Variants in CTNNA3 observed in about 807,000 individuals in gnomAD.
CTNNA3 encodes catenin alpha-3.
A neutral mutation model predicts 95.7 loss-of-function variants in CTNNA3; 76 were observed. The observed-to-expected ratio is 0.79, with a 90% CI of 0.66 to 0.96. CTNNA3 has a LOEUF of 0.96. Ranked by LOEUF, CTNNA3 falls within the 40% of genes least tolerant of loss-of-function variation. The pLI is 0.00. For synonymous variants in CTNNA3, 431 were observed against 374.4 expected, an observed-to-expected ratio of 1.15 and a Z score of -1.74; for missense variants, 1,191 against 1,089.8, an observed-to-expected ratio of 1.09 and a Z score of -1.31.
At chr10:67,422,993 A>G (rs1845800953) in intron 5 of CTNNA3, among the ~76,000 whole-genome samples, 1 of 152,194 alleles carries the variant, frequency 6.6e-6, no homozygotes, top group African/African-American at 2.4e-5. Context: ...GATTTCCAAT[A>G]TACTCTTAGA....
At chr10:67,655,395 T>C (rs1367962013) in intron 1 of CTNNA3, among the ~76,000 whole-genome samples, 1 of 152,136 alleles carries the variant, frequency 6.6e-6, no homozygotes, top group Non-Finnish European at 1.5e-5. Flanking sequence ...CTAATACCTG[T>C]CTCCCAAAAT....
chr10:66,857,302 C>A (rs1843719780), intron 7 of CTNNA3, among the ~76,000 whole-genome samples: 1 of 151,802 alleles, frequency 6.6e-6, no homozygotes. Flanking sequence ...TAGGTTACTG[C>A]AGCCTTGTGG....
At chr10:66,807,116 T>C (rs1464449043) in intron 7 of CTNNA3, among the ~76,000 whole-genome samples, 1 of 152,060 alleles carries the variant, frequency 6.6e-6, no homozygotes, top group African/African-American at 2.4e-5. Context: ...TGTTTATCAA[T>C]GATGAGGCCA....
At chr10:66,425,303 A>T (rs1038240631) in intron 11 of CTNNA3, among the ~76,000 whole-genome samples, 2 of 151,956 alleles carry the variant, frequency 1.3e-5, no homozygotes, top group African/African-American at 4.8e-5. Flanking sequence ...TAGAAAACTA[A>T]TAAATTTACA....
chr10:66,360,596 C>CTTCTTTCTTT (rs1564895690), intron 12 of CTNNA3, among the ~76,000 whole-genome samples: 1,259 of 94,114 alleles, frequency 0.013, 137 homozygotes, highest in Non-Finnish European at 0.021. Context: ...GTATTCTTTC[C>CTTCTTTCTTT]TTCTTTCTTT....
intron 7 of CTNNA3, among the ~76,000 whole-genome samples, chr10:67,176,739 G>C (rs994855477): frequency 5.9e-5 from 9 of 152,206 alleles, no homozygotes; most frequent in Admixed American, 1.3e-4. Context: ...CTAAAAAGAA[G>C]AGAATCTTTC....
rs543067397 is a variant in CTNNA3, at chr10:66,431,359, G to A, written c.1532-52007C>T. 4.1e-4 allele frequency among the ~76,000 whole-genome samples: 63 copies of A among 152,032 alleles called. 1 individual carries two copies. The South Asian group carries it at 0.013, about 31-fold the overall frequency. ...GTGGCAATTCCTCAGGGATCCAGAA[G>A]TGGAAATATCATTTGGCCCAGCCAT... On this transcript the variant is annotated intron_variant, in intron 11 of 17. Coordinates refer to ENST00000433211, the MANE Select transcript of CTNNA3 (RefSeq NM_013266.4).
intron 5 of CTNNA3, among the ~76,000 whole-genome samples, chr10:67,240,616 G>A (rs1486453656): frequency 6.6e-6 from 1 of 152,068 alleles, no homozygotes; most frequent in Non-Finnish European, 1.5e-5. Context: ...TTCAATAAAA[G>A]AGAAAATAAA....
At chr10:67,054,565 T>C (rs537325358) in intron 7 of CTNNA3, 5 of 152,304 alleles carry the variant, frequency 3.3e-5, no homozygotes, top group African/African-American at 7.2e-5. Flanking sequence ...GGTTCCCTAA[T>C]AGAAAAGGGC....
At chr10:66,705,051 T>C (rs933943053) in intron 9 of CTNNA3, among the ~76,000 whole-genome samples, 2 of 152,124 alleles carry the variant, frequency 1.3e-5, no homozygotes, top group African/African-American at 2.4e-5. Context: ...TCTTATCAAG[T>C]TGAAGAAGTT....
intron 5 of CTNNA3, among the ~76,000 whole-genome samples, chr10:67,368,708 G>A (rs1286100603): frequency 6.6e-6 from 1 of 152,090 alleles, no homozygotes; most frequent in Admixed American, 6.6e-5. Context: ...AACACAACAT[G>A]ATGGATGAAT....
upstream of CTNNA3, among the ~76,000 whole-genome samples, chr10:67,700,468 C>T (rs1021627287): frequency 1.8e-4 from 28 of 152,250 alleles, no homozygotes; most frequent in African/African-American, 5.5e-4. Context: ...TCACGGTTCA[C>T]GAAAATCCGC....
At chr10:67,188,325 T>A (rs2132165600) in intron 6 of CTNNA3, among the ~76,000 whole-genome samples, 1 of 152,048 alleles carries the variant, frequency 6.6e-6, no homozygotes, top group Admixed American at 6.5e-5. Context: ...GTGAAACCCG[T>A]TTCTACAAAA....
intron 7 of CTNNA3, among the ~76,000 whole-genome samples, chr10:66,823,453 T>C (rs894180868): frequency 6.6e-6 from 1 of 152,178 alleles, no homozygotes; most frequent in Non-Finnish European, 1.5e-5. Flanking sequence ...ATTCTTCTTC[T>C]ACAAGGAGGA....
intron 5 of CTNNA3, among the ~76,000 whole-genome samples, chr10:67,455,751 T>C (rs1337932677): frequency 1.3e-5 from 2 of 152,106 alleles, no homozygotes; most frequent in East Asian, 1.9e-4. Context: ...TTCCTGAAAC[T>C]GTCAAAGTCA....
At chr10:67,283,183 G>A (rs1373164633) in intron 5 of CTNNA3, among the ~76,000 whole-genome samples, 1 of 152,144 alleles carries the variant, frequency 6.6e-6, no homozygotes, top group Non-Finnish European at 1.5e-5. Flanking sequence ...TGGTAGGAGA[G>A]GGTCCACTGC....
intron 10 of CTNNA3, among the ~76,000 whole-genome samples, chr10:66,574,569 T>G (rs1842953169): frequency 6.6e-6 from 1 of 152,168 alleles, no homozygotes; most frequent in Admixed American, 6.6e-5. Flanking sequence ...TCAAAAATAT[T>G]TCCTGATTCA....
chr10:66,899,391 C>T (rs549925906), intron 7 of CTNNA3, among the ~76,000 whole-genome samples: 5 of 152,108 alleles, frequency 3.3e-5, no homozygotes, highest in African/African-American at 7.2e-5. Flanking sequence ...TCAAGATGGT[C>T]GTTTCCAAGA....
At chr10:67,159,989 A>G (rs1861465349) in intron 7 of CTNNA3, among the ~76,000 whole-genome samples, 1 of 152,200 alleles carries the variant, frequency 6.6e-6, no homozygotes, top group South Asian at 2.1e-4. Flanking sequence ...AGGAGTTAAT[A>G]TCTAAAACAG....
Sources: gnomAD v4.1 joint callset for allele counts (sites outside exome capture counted in the v4.1 genomes callset) on GRCh38, gnomAD v4.1.1 for gene constraint, MANE v1.5 for transcripts, NCBI Gene and HGNC (gene_info 2026-07-23, HGNC 2026-07-21) for gene names.